The following RPS6KA6 variants were observed in gnomAD, a reference collection of about 807,000 sequenced individuals.
RPS6KA6 encodes ribosomal protein S6 kinase A6, also known as ribosomal protein S6 kinase alpha-6.
In RPS6KA6, 27 loss-of-function variants were observed where a neutral mutation model predicts 65.4. That is an observed-to-expected ratio of 0.41 (90% CI 0.30 to 0.57). The LOEUF (loss-of-function observed/expected upper bound fraction) is 0.57. RPS6KA6 is among the 20% of genes least tolerant of loss of function. The probability of loss-of-function intolerance (pLI) is 0.24; values close to 1 mark genes in which losing one functional copy is unlikely to be tolerated. For missense variants in RPS6KA6, 486 were observed against 555.6 expected (o/e 0.87, Z 1.26); for synonymous variants, 190 against 184.2 (o/e 1.03, Z -0.26).
In RPS6KA6 at chrX:84,136,880, C is replaced by T. The variant is rs1482395866; in HGVS notation, c.502-1670G>A. Among the ~76,000 whole-genome samples the T allele has an allele frequency of 2.7e-5, 3 of 111,604 alleles. No individual in the cohort carries two copies. In the Admixed American group the frequency reaches 2.9e-4, roughly 11 times the overall value. ...TGATTAAGTAACTTGTCCAAAATAACACAGCTAGTTAAGAAGGAGGCCCAA... is the reference window on the plus strand; with the variant it reads ...TGATTAAGTAACTTGTCCAAAATAATACAGCTAGTTAAGAAGGAGGCCCAA... On this transcript the variant is annotated intron_variant, in intron 6 of 21. Coordinates refer to ENST00000262752, the MANE Select transcript of RPS6KA6 (RefSeq NM_014496.5).
At chrX:84,145,411 G>T in intron 6 of RPS6KA6, 67 bp downstream of exon 6, 1 of 676,632 alleles carries the variant, frequency 1.5e-6, no homozygotes. Flanking sequence ...GTAATTAGCA[G>T]AAGAACAAAA....
chrX:84,131,432 C>T (rs1468285305), intron 8 of RPS6KA6, among the ~76,000 whole-genome samples: 1 of 112,180 alleles, frequency 8.9e-6, no homozygotes, highest in Admixed American at 9.5e-5. Context: ...TCTCTGTATA[C>T]TGAAACTTGT....
In RPS6KA6 at chrX:84,062,990, T is replaced by C. The variant is rs181763270; in HGVS notation, c.*1287A>G. 1.1e-3 allele frequency: 122 copies of C among 110,687 alleles called. No individual in the cohort carries two copies. The highest frequency in any genetic ancestry group is 3.8e-3 in the African/African-American group (115 of 30,606). The allele number at this position is 110,687 out of a possible 1,213,427, so 9.1% of individuals were successfully genotyped here. On this transcript the variant is annotated 3_prime_UTR_variant, in exon 22 of 22. Transcript: ENST00000262752. ...TGCTGCTGTTGTTGTAGCAACGGTA[T>C]TTTCTTCAACAACGTGAAATGATTC...
chrX:84,165,999 C>T (rs1322705657), intron 1 of RPS6KA6, among the ~76,000 whole-genome samples: 1 of 111,817 alleles, frequency 8.9e-6, no homozygotes, highest in Non-Finnish European at 1.9e-5. Flanking sequence ...CAACACAAGT[C>T]CTGGTCACAA....
chrX:84,161,502 G>GA (rs1468314021), intron 2 of RPS6KA6, among the ~76,000 whole-genome samples: 1 of 110,895 alleles, frequency 9.0e-6, no homozygotes. Flanking sequence ...CATTGCAAGA[G>GA]AAAAAATACT....
chrX:84,152,566 G>A (rs1008377269), intron 3 of RPS6KA6, among the ~76,000 whole-genome samples: 1 of 110,678 alleles, frequency 9.0e-6, no homozygotes, highest in African/African-American at 3.3e-5. Flanking sequence ...GTATAATAAA[G>A]TTGTGCTATA....
intron 8 of RPS6KA6, among the ~76,000 whole-genome samples, chrX:84,120,413 CTTTGGT>C (rs2034648182): frequency 1.8e-5 from 2 of 111,452 alleles, no homozygotes; most frequent in Non-Finnish European, 1.9e-5. Flanking sequence ...TTTGCTTTGG[CTTTGGT>C]GAGCTTCCAT....
intron 18 of RPS6KA6, among the ~76,000 whole-genome samples, chrX:84,098,550 G>A (rs1047363026): frequency 2.7e-5 from 3 of 111,037 alleles, no homozygotes; most frequent in Non-Finnish European, 5.7e-5. Flanking sequence ...AAAATAAAGA[G>A]ATGAAATGAG....
intron 1 of RPS6KA6, among the ~76,000 whole-genome samples, chrX:84,174,617 G>T (rs1466556122): frequency 8.9e-6 from 1 of 111,809 alleles, no homozygotes; most frequent in Non-Finnish European, 1.9e-5. Flanking sequence ...ATGATCTTTG[G>T]AGTATTTGCC....
chrX:84,163,776 G>A (rs1198522067), intron 2 of RPS6KA6, among the ~76,000 whole-genome samples: 1 of 111,228 alleles, frequency 9.0e-6, no homozygotes, highest in East Asian at 2.8e-4. Flanking sequence ...AATGCTCTCT[G>A]TAAAACTAGA....
chrX:84,075,880 T>C (rs749090860), intron 20 of RPS6KA6, among the ~76,000 whole-genome samples: 5 of 112,038 alleles, frequency 4.5e-5, no homozygotes, highest in Non-Finnish European at 9.4e-5. Flanking sequence ...TTATAAATGT[T>C]TATTCATGTA....
chrX:84,109,022 G>A (rs978067593), intron 12 of RPS6KA6, among the ~76,000 whole-genome samples: 1 of 111,132 alleles, frequency 9.0e-6, no homozygotes, highest in Non-Finnish European at 1.9e-5. Context: ...CTCGTGACCC[G>A]CTCTTCAGCT....
chrX:84,109,236 G>A (rs887720074), intron 12 of RPS6KA6, among the ~76,000 whole-genome samples: 1 of 112,233 alleles, frequency 8.9e-6, no homozygotes. Flanking sequence ...CCAGTGAAAG[G>A]CCAGCAGCCC....
In RPS6KA6 at chrX:84,076,846, A is replaced by T. The variant is rs1022750556; in HGVS notation, c.1972-11735T>A. On this transcript the variant is annotated intron_variant, in intron 20 of 21. Transcript: ENST00000262752. ...AGAAATCAAGCACTAAAACGTCCTT[A>T]TAAAAACTATTACCATCTATGTAGA... Among the ~76,000 whole-genome samples, 3 of 111,538 alleles carry T rather than the reference A, an allele frequency of 2.7e-5. No individual in the cohort carries two copies. In the Admixed American group the frequency reaches 2.9e-4, roughly 11 times the overall value.
rs2035064965 is a variant in RPS6KA6, at chrX:84,139,906, G to A, written c.502-4696C>T. Among the ~76,000 whole-genome samples, 3 of 111,944 alleles carry A rather than the reference G, an allele frequency of 2.7e-5. No homozygotes were observed. In the South Asian group the frequency reaches 1.1e-3, roughly 42 times the overall value. On this transcript the variant is annotated intron_variant, in intron 6 of 21. Coordinates refer to ENST00000262752, the MANE Select transcript of RPS6KA6 (RefSeq NM_014496.5). ...ACCTGGAAAGAGTTTCCAAGTGGTA[G>A]TACAGGGAGGGCTAAGTCAGGTGGA...
At chrX:84,092,740 T>C (rs892709564) in intron 20 of RPS6KA6, among the ~76,000 whole-genome samples, 5 of 111,375 alleles carry the variant, frequency 4.5e-5, no homozygotes, top group African/African-American at 9.8e-5. Context: ...ACACTGCTGG[T>C]GAGAATGCAA....
intron 6 of RPS6KA6, among the ~76,000 whole-genome samples, chrX:84,136,431 G>A (rs914210308): frequency 9.0e-6 from 1 of 110,901 alleles, no homozygotes; most frequent in Admixed American, 9.7e-5. Flanking sequence ...TTAAAATGAT[G>A]AATAGAAAAA....
intron 1 of RPS6KA6, among the ~76,000 whole-genome samples, chrX:84,174,775 T>G (rs1177603770): frequency 9.0e-6 from 1 of 111,462 alleles, no homozygotes; most frequent in Non-Finnish European, 1.9e-5. Context: ...CATCTCTCTA[T>G]CATACTGTAA....
At chrX:84,071,690 A>C (rs1318587937) in intron 20 of RPS6KA6, among the ~76,000 whole-genome samples, 1 of 111,731 alleles carries the variant, frequency 9.0e-6, no homozygotes, top group African/African-American at 3.2e-5. Context: ...ACAATTGACA[A>C]ACCTTTAATG....
Sources: allele counts gnomAD v4.1 joint callset (sites outside exome capture counted in the v4.1 genomes callset), GRCh38; gene constraint gnomAD v4.1.1; transcripts MANE v1.5; gene names NCBI Gene and HGNC (gene_info 2026-07-23, HGNC 2026-07-21).